CALN1: variants seen among roughly 807,000 people sequenced by gnomAD.
CALN1 encodes the protein calneuron 1, also known as calcium-binding protein 8.
A neutral mutation model predicts 30.6 loss-of-function variants in CALN1; 17 were observed. The observed-to-expected ratio is 0.56, with a 90% CI of 0.38 to 0.83. The LOEUF (loss-of-function observed/expected upper bound fraction) is 0.83, where lower values mean the gene tolerates loss of function less well. Ranked by LOEUF, CALN1 falls within the 40% of genes least tolerant of loss-of-function variation. CALN1 has a pLI of 0.00. For missense variants in CALN1, 291 were observed against 354.9 expected (o/e 0.82, Z 1.45); for synonymous variants, 156 against 131.4 (o/e 1.19, Z -1.28).
At chr7:72,473,927 TAA>T in the CALN1 span, among the ~76,000 whole-genome samples, 60 of 135,000 alleles carry the variant, frequency 4.4e-4, no homozygotes, top group African/African-American at 1.3e-3. Flanking sequence ...AGACTCTGTT[TAA>T]AAAAAAAAAA....
At chr7:71,928,448 CA>C (rs60088732) in intron 5 of CALN1, among the ~76,000 whole-genome samples, 1,811 of 99,852 alleles carry the variant, frequency 0.018, 5 homozygotes, top group East Asian at 0.031. Context: ...CTTTTAATGG[CA>C]AAAAAAAAAA....
At chr7:72,173,488 T>C (rs527326408) in intron 3 of CALN1, among the ~76,000 whole-genome samples, 2 of 152,282 alleles carry the variant, frequency 1.3e-5, no homozygotes, top group South Asian at 4.1e-4. Flanking sequence ...GGCTAAATGC[T>C]ATAAAAAGCC....
intron 5 of CALN1, among the ~76,000 whole-genome samples, chr7:71,939,403 C>CAAAAAAAA (rs56368426): frequency 9.5e-6 from 1 of 105,478 alleles, no homozygotes; most frequent in African/African-American, 4.0e-5. Flanking sequence ...ACTAAAAATA[C>CAAAAAAAA]AAAAAAAAAA....
chr7:71,969,469 A>G (rs1312489783), intron 5 of CALN1, among the ~76,000 whole-genome samples: 2 of 152,300 alleles, frequency 1.3e-5, no homozygotes, highest in East Asian at 3.9e-4. Context: ...GAATACATAC[A>G]TACATAAATA....
intron 2 of CALN1, among the ~76,000 whole-genome samples, chr7:72,357,644 C>A (rs1264510989): frequency 2.0e-5 from 3 of 151,380 alleles, no homozygotes; most frequent in South Asian, 2.1e-4. Context: ...GAGGCCCAGA[C>A]AACAGTAGTT....
intron 3 of CALN1, among the ~76,000 whole-genome samples, chr7:72,247,228 T>TG (rs1795244062): frequency 1.6e-4 from 1 of 6,274 alleles, no homozygotes; most frequent in Non-Finnish European, 2.9e-4. Flanking sequence ...ATTTTCTTTC[T>TG]TTTTTTTTTT....
chr7:72,287,516 G>C (rs1255591466), intron 2 of CALN1, among the ~76,000 whole-genome samples: 1 of 135,518 alleles, frequency 7.4e-6, no homozygotes, highest in Admixed American at 8.6e-5. Flanking sequence ...GCGCAATCTT[G>C]GCTCACTGCA....
chr7:72,027,400 C>T (rs1003271070), intron 4 of CALN1, among the ~76,000 whole-genome samples: 3 of 152,070 alleles, frequency 2.0e-5, no homozygotes, highest in African/African-American at 4.8e-5. Context: ...CTCAAGGACA[C>T]GAATCTATTT....
At chr7:72,348,508 T>A (rs951146341) in intron 2 of CALN1, among the ~76,000 whole-genome samples, 2 of 152,224 alleles carry the variant, frequency 1.3e-5, no homozygotes, top group Non-Finnish European at 2.9e-5. Context: ...ACGATTTAAG[T>A]TCCTAGTTGA....
At chr7:71,898,349 G>A (rs570096809) in intron 5 of CALN1, among the ~76,000 whole-genome samples, 1 of 151,994 alleles carries the variant, frequency 6.6e-6, no homozygotes, top group African/African-American at 2.4e-5. Flanking sequence ...AGAAAGAAAA[G>A]AAAATATCCC....
chr7:72,285,220 G>A (rs774544403), intron 2 of CALN1, among the ~76,000 whole-genome samples: 5 of 152,064 alleles, frequency 3.3e-5, no homozygotes, highest in Non-Finnish European at 5.9e-5. Context: ...ATTTTTCCTG[G>A]TAATTCTTTC....
intron 1 of CALN1, among the ~76,000 whole-genome samples, chr7:72,439,641 A>G (rs1808287802): frequency 1.3e-5 from 2 of 148,830 alleles, no homozygotes; most frequent in Admixed American, 1.3e-4. Flanking sequence ...GCAATGGCGC[A>G]ATCTCGGCTC....
intron 5 of CALN1, among the ~76,000 whole-genome samples, chr7:72,004,956 CCTACCAGAATGG>C (rs1034306275): frequency 1.6e-4 from 25 of 152,164 alleles, no homozygotes; most frequent in African/African-American, 6.0e-4. Context: ...TCACTCCACA[CCTACCAGAATGG>C]CTAAAATATA....
At position 72,160,818 on chromosome 7, in the gene CALN1, A is replaced by G. The variant is rs953660449; in HGVS notation, c.245-54524T>C. On this transcript the variant is annotated intron_variant, in intron 3 of 6. Coordinates refer to ENST00000395275, the MANE Select transcript of CALN1 (RefSeq NM_031468.4). ...GCTGATGGCAAGCCCCTGCATGGAG[A>G]AAGGTTACCAGCACCATGGCTGCTG... Among the ~76,000 whole-genome samples the G allele has an allele frequency of 2.6e-5, 4 of 152,194 alleles. 1 individual carries two copies. The highest frequency in any genetic ancestry group is 4.1e-4 in the South Asian group (2 of 4,830).
At chr7:72,285,158 C>T (rs909436584) in intron 2 of CALN1, among the ~76,000 whole-genome samples, 1 of 152,182 alleles carries the variant, frequency 6.6e-6, no homozygotes, top group African/African-American at 2.4e-5. Context: ...ATTGCCCCAA[C>T]TTCTAAGCAC....
the CALN1 span, among the ~76,000 whole-genome samples, chr7:72,467,810 C>T: frequency 0.13 from 19,323 of 152,192 alleles, 2,497 homozygotes; most frequent in African/African-American, 0.33. Flanking sequence ...ACATCCACCT[C>T]TACCTGGTTG....
intron 2 of CALN1, among the ~76,000 whole-genome samples, chr7:72,303,914 T>G (rs576322485): frequency 1.1e-4 from 17 of 152,342 alleles, no homozygotes; most frequent in African/African-American, 3.8e-4. Context: ...GCTTGTATCA[T>G]ATTTGTTTCT....
intron 5 of CALN1, among the ~76,000 whole-genome samples, chr7:71,885,989 CAACA>C (rs1196504812): frequency 1.3e-5 from 2 of 152,208 alleles, no homozygotes; most frequent in African/African-American, 4.8e-5. Context: ...AATTCCTTCC[CAACA>C]AACATATCCA....
intron 2 of CALN1, among the ~76,000 whole-genome samples, chr7:72,307,504 T>C (rs1401367365): frequency 6.6e-6 from 1 of 152,196 alleles, no homozygotes; most frequent in South Asian, 2.1e-4. Flanking sequence ...ACGCATCTAA[T>C]GGGCTGTGAT....
Sources: gnomAD v4.1 joint callset for allele counts (sites outside exome capture counted in the v4.1 genomes callset) on GRCh38, gnomAD v4.1.1 for gene constraint, MANE v1.5 for transcripts, NCBI Gene and HGNC (gene_info 2026-07-23, HGNC 2026-07-21) for gene names.